CEP43: variants seen among roughly 807,000 people sequenced by gnomAD.
The protein encoded by CEP43 is FGFR1 oncogene partner.
A neutral mutation model predicts 52.6 loss-of-function variants in CEP43; 36 were observed. The ratio of observed to expected loss-of-function variants is 0.68; its 90% CI spans 0.52 to 0.90. CEP43 has a LOEUF of 0.90. CEP43 is among the 40% of genes least tolerant of loss of function. The pLI, the probability that CEP43 is intolerant of heterozygous loss-of-function variation, is 0.00. For synonymous variants in CEP43, 192 were observed against 172.4 expected (o/e 1.11, Z -0.89); for missense variants, 506 against 472.8 (o/e 1.07, Z -0.65).
At chr6:167,007,287 C>T (rs1779876530) in intron 5 of CEP43, among the ~76,000 whole-genome samples, 1 of 152,190 alleles carries the variant, frequency 6.6e-6, no homozygotes, top group Admixed American at 6.5e-5. Context: ...CACTGTTCTT[C>T]AGTACTTCAT....
intron 10 of CEP43, chr6:167,028,442 A>G (rs1213101902): frequency 3.0e-6 from 3 of 984,974 alleles, no homozygotes; most frequent in Non-Finnish European, 3.6e-6. Context: ...CACTAGCTGG[A>G]TGTTTGTCAT....
chr6:167,017,329 A>G (rs1183663598), intron 7 of CEP43, among the ~76,000 whole-genome samples: 1 of 152,170 alleles, frequency 6.6e-6, no homozygotes, highest in African/African-American at 2.4e-5. Flanking sequence ...ATGGTATACA[A>G]CTGTCTACAT....
intron 5 of CEP43, among the ~76,000 whole-genome samples, chr6:167,009,817 C>CA (rs1190305030): frequency 1.3e-5 from 2 of 151,748 alleles, no homozygotes; most frequent in African/African-American, 2.4e-5. Context: ...GCCTGGGTAA[C>CA]AGAGTGAGAC....
intron 12 of CEP43, chr6:167,036,830 CAG>C: frequency 2.2e-6 from 2 of 922,698 alleles, no homozygotes; most frequent in Non-Finnish European, 2.6e-6. Flanking sequence ...GTTTTTGAGA[CAG>C]AGTCTCACTC....
At chr6:167,024,165 G>C (rs1780301047) in intron 8 of CEP43, among the ~76,000 whole-genome samples, 1 of 152,148 alleles carries the variant, frequency 6.6e-6, no homozygotes, top group African/African-American at 2.4e-5. Context: ...TTGTAGGCAG[G>C]GGGTGGATAT....
At chr6:167,007,638 A>T (rs1307324065) in intron 5 of CEP43, among the ~76,000 whole-genome samples, 1 of 152,210 alleles carries the variant, frequency 6.6e-6, no homozygotes, top group Non-Finnish European at 1.5e-5. Context: ...ATAATGAAAT[A>T]AAAAATTAGA....
intron 8 of CEP43, among the ~76,000 whole-genome samples, chr6:167,022,970 C>T (rs1648450890): frequency 6.6e-6 from 1 of 152,076 alleles, no homozygotes; most frequent in Non-Finnish European, 1.5e-5. Context: ...GGTTATGCTG[C>T]AGTGTGTGGG....
intron 10 of CEP43, among the ~76,000 whole-genome samples, chr6:167,027,438 G>T (rs1376401182): frequency 1.3e-5 from 2 of 150,742 alleles, no homozygotes; most frequent in Non-Finnish European, 3.0e-5. Flanking sequence ...GCTCTCTGTG[G>T]ATGTGATGGG....
At chr6:167,004,940 T>C (rs957315723) in intron 5 of CEP43, among the ~76,000 whole-genome samples, 19 of 152,384 alleles carry the variant, frequency 1.2e-4, no homozygotes, top group African/African-American at 4.6e-4. Flanking sequence ...TTACACTTTT[T>C]TGATCAGTAG....
rs950238953 is a variant in CEP43 at position 167,044,666 on chromosome 6, C to T, written c.*4688C>T. 12 of 613,064 alleles carry T rather than the reference C, an allele frequency of 2.0e-5. No individual in the cohort carries two copies. The South Asian group carries it at 2.2e-4, about 11-fold the overall frequency. The allele number at this position is 613,064 out of a possible 1,614,324, so 38.0% of individuals were successfully genotyped here. A position where few individuals can be genotyped will look rare whatever the true frequency, so the allele number is the denominator to read the frequency against. ...TTGCTGCCCTTAGAAAATGAACCCC[C>T]GAACAAGGTAAGGTCGAGCTGGCCC... On this transcript the variant is annotated 3_prime_UTR_variant, in exon 13 of 13. Transcript: ENST00000366847.
chr6:167,032,501 A>G, intron 10 of CEP43, 102 bp from the exon 11 acceptor site: 1 of 1,059,452 alleles, frequency 9.4e-7, no homozygotes, highest in Non-Finnish European at 1.3e-6. Context: ...GGACTTTTTA[A>G]ATGATGCAAT....
intron 10 of CEP43, among the ~76,000 whole-genome samples, 161 bp downstream of exon 10, chr6:167,026,776 A>G (rs903359646): frequency 6.6e-6 from 1 of 152,244 alleles, no homozygotes; most frequent in African/African-American, 2.4e-5. Context: ...ATTACACGCT[A>G]TGCGAGAGAT....
At position 167,010,197 on chromosome 6, in the gene CEP43, A is replaced by G. The variant is rs574626357; in HGVS notation, c.439-616A>G. Among the ~76,000 whole-genome samples, 6 of 152,338 alleles carry G rather than the reference A, an allele frequency of 3.9e-5. No individual in the cohort carries two copies. In the East Asian group the frequency reaches 1.2e-3, roughly 29 times the overall value. ...TGTAGGAAGTGATTTTCATTTAAGA[A>G]ACATTTTAAAAACCTCCTCCTTGGC... On this transcript the variant is annotated intron_variant, in intron 5 of 12. Coordinates refer to ENST00000366847, the MANE Select transcript of CEP43 (RefSeq NM_007045.4).
chr6:167,044,418 A>G lies in CEP43; in HGVS notation c.*4440A>G. On this transcript the variant is annotated 3_prime_UTR_variant, in exon 13 of 13. Coordinates refer to ENST00000366847, the MANE Select transcript of CEP43 (RefSeq NM_007045.4). ...CTTTATGTTTAGCAAGAAGACCAAG[A>G]TGACAAGATGCGCCAGGAGACTTGG... The G allele has an allele frequency of 1.0e-6, 1 of 985,458 alleles. No homozygotes were observed. Among genetic ancestry groups the G allele is most frequent in the Non-Finnish European group, 1.2e-6 (1 of 829,924 alleles). 61.0% of individuals were successfully genotyped at this position (985,458 alleles called of 1,614,324 possible). A position where few individuals can be genotyped will look rare whatever the true frequency, so the allele number is the denominator to read the frequency against.
intron 5 of CEP43, among the ~76,000 whole-genome samples, chr6:167,006,207 T>C (rs1779848342): frequency 6.6e-6 from 1 of 152,230 alleles, no homozygotes; most frequent in African/African-American, 2.4e-5. Context: ...GTGGATTCAA[T>C]TAACTGCGAA....
Position 167,044,661 on chromosome 6 carries a change from A to ACC in CEP43, c.*4687_*4688dup, listed in dbSNP as rs1780764610. ...GAATCTTGCTGCCCTTAGAAAATGAACCCCCGAACAAGGTAAGGTCGAGCT... is the reference window on the plus strand; with the variant it reads ...GAATCTTGCTGCCCTTAGAAAATGAACCCCCCCGAACAAGGTAAGGTCGAGCT... On this transcript the variant is annotated 3_prime_UTR_variant, in exon 13 of 13. Coordinates refer to ENST00000366847, the MANE Select transcript of CEP43 (RefSeq NM_007045.4). The ACC allele has an allele frequency of 1.5e-6, 1 of 650,616 alleles. No homozygotes were observed. The highest frequency in any genetic ancestry group is 6.3e-5 in the Admixed American group (1 of 15,820). 40.3% of individuals were successfully genotyped at this position (650,616 alleles called of 1,614,324 possible). A position where few individuals can be genotyped will look rare whatever the true frequency, so the allele number is the denominator to read the frequency against.
rs1780761967 is a variant in CEP43 at position 167,044,489 on chromosome 6, TGGAA to T, written c.*4512_*4515del. 1 of 985,252 alleles carries T rather than the reference TGGAA, an allele frequency of 1.0e-6. No homozygotes were observed. Among genetic ancestry groups the T allele is most frequent in the Non-Finnish European group, 1.2e-6 (1 of 829,916 alleles). The allele number at this position is 985,252 out of a possible 1,614,324, so 61.0% of individuals were successfully genotyped here. The stretch of plus-strand genomic sequence containing the variant: ...CAAAGTTTCCCCGAGGAAGTCAGAT[TGGAA>T]AAGTGTCCTCAGGTTCAAGGAAACC... On this transcript the variant is annotated 3_prime_UTR_variant, in exon 13 of 13. Coordinates refer to ENST00000366847, the MANE Select transcript of CEP43 (RefSeq NM_007045.4).
At chr6:167,012,790 A>T (rs934663471) in intron 6 of CEP43, among the ~76,000 whole-genome samples, 1 of 152,002 alleles carries the variant, frequency 6.6e-6, no homozygotes, top group African/African-American at 2.4e-5. Flanking sequence ...AGAAGGGGGG[A>T]CTGTCCTGAG....
In CEP43 at chr6:167,052,151, A is replaced by C. The variant is rs1332071543; in HGVS notation, c.*12173A>C. Reference sequence around the variant, plus strand: ...TTCTCAGTTTATCAGAATCTACTTAAGTTTATACTAACTTATGTCCAGTGA... The same window carrying C: ...TTCTCAGTTTATCAGAATCTACTTACGTTTATACTAACTTATGTCCAGTGA... On this transcript the variant is annotated 3_prime_UTR_variant, in exon 13 of 13. Transcript: ENST00000366847. 6.6e-6 allele frequency: 1 copy of C among 152,158 alleles called. No homozygotes were observed. The highest frequency in any genetic ancestry group is 2.4e-5 in the African/African-American group (1 of 41,430). The allele number at this position is 152,158 out of a possible 1,614,324, so 9.4% of individuals were successfully genotyped here. A position where few individuals can be genotyped will look rare whatever the true frequency, so the allele number is the denominator to read the frequency against.
Sources: gnomAD v4.1 joint callset for allele counts (sites outside exome capture counted in the v4.1 genomes callset) on GRCh38, gnomAD v4.1.1 for gene constraint, MANE v1.5 for transcripts, NCBI Gene and HGNC (gene_info 2026-07-23, HGNC 2026-07-21) for gene names.